The following PHLPP1 variants were observed in gnomAD, a reference collection of about 807,000 sequenced individuals.
PHLPP1 encodes the protein PH domain and leucine rich repeat protein phosphatase 1, also known as PH domain leucine-rich repeat-containing protein phosphatase 1.
A neutral mutation model predicts 117.2 loss-of-function variants in PHLPP1; 42 were observed. The observed-to-expected ratio is 0.36, with a 90% confidence interval of 0.28 to 0.46. The LOEUF (loss-of-function observed/expected upper bound fraction) is 0.46. PHLPP1 is among the 20% of genes least tolerant of loss of function. PHLPP1 has a pLI of 1.00. For missense variants in PHLPP1, 2,084 were observed against 2,241.9 expected (o/e 0.93, Z 1.42); for synonymous variants, 1,042 against 970.7 (o/e 1.07, Z -1.37).
chr18:62,849,797 C>CAAAAAAA (rs1159265423), intron 3 of PHLPP1, among the ~76,000 whole-genome samples: 4 of 7,400 alleles, frequency 5.4e-4, no homozygotes, highest in Non-Finnish European at 7.2e-4. Context: ...CCTGTCTCTA[C>CAAAAAAA]AAAAAAAAAA....
chr18:62,791,946 TA>T (rs1913470594), intron 1 of PHLPP1, among the ~76,000 whole-genome samples: 1 of 150,358 alleles, frequency 6.7e-6, no homozygotes, highest in Non-Finnish European at 1.5e-5. Flanking sequence ...AATTAATGAG[TA>T]CACTTTTTTT....
intron 2 of PHLPP1, 133 bp downstream of exon 2, chr18:62,830,364 G>T (rs996463301): frequency 1.5e-6 from 1 of 671,028 alleles, no homozygotes; most frequent in Non-Finnish European, 2.5e-6. Context: ...CCTCAGCCAG[G>T]ATTACAGGCG....
intron 1 of PHLPP1, among the ~76,000 whole-genome samples, chr18:62,736,359 A>G (rs899630248): frequency 1.3e-5 from 2 of 152,142 alleles, no homozygotes; most frequent in African/African-American, 4.8e-5. Flanking sequence ...GAGGTAAACC[A>G]CTGTGTGGTT....
At chr18:62,882,618 T>C (rs1378065245) in intron 4 of PHLPP1, among the ~76,000 whole-genome samples, 2 of 152,156 alleles carry the variant, frequency 1.3e-5, no homozygotes, top group Admixed American at 6.5e-5. Context: ...TTAAAAGTAC[T>C]TTGATACACT....
intron 10 of PHLPP1, among the ~76,000 whole-genome samples, chr18:62,930,364 C>T (rs975592220): frequency 4.6e-5 from 7 of 151,970 alleles, no homozygotes; most frequent in Non-Finnish European, 1.0e-4. Context: ...CATCTATAGA[C>T]TCAAAGTAAA....
intron 1 of PHLPP1, among the ~76,000 whole-genome samples, chr18:62,726,604 T>A (rs1253205830): frequency 8.9e-5 from 13 of 146,530 alleles, no homozygotes; most frequent in East Asian, 6.0e-4. Context: ...TTTTTTTTTT[T>A]ATGGAGTCTT....
rs567305618 is a variant in PHLPP1, at chr18:62,947,850, A to G, written c.3324+2579A>G. On this transcript the variant is annotated intron_variant, in intron 12 of 16. Transcript: ENST00000262719. ...AGACCAGCCTGGCCAACATGGTGAAACTCTGTCTCTACTAAAAATACAAAA... is the reference window on the plus strand; with the variant it reads ...AGACCAGCCTGGCCAACATGGTGAAGCTCTGTCTCTACTAAAAATACAAAA... Among the ~76,000 whole-genome samples, 11 of 151,862 alleles carry G rather than the reference A, an allele frequency of 7.2e-5. No individual in the cohort carries two copies. The East Asian group carries it at 1.9e-3, about 27-fold the overall frequency.
intron 6 of PHLPP1, among the ~76,000 whole-genome samples, chr18:62,899,941 A>G (rs1355443835): frequency 6.6e-6 from 1 of 152,182 alleles, no homozygotes; most frequent in African/African-American, 2.4e-5. Flanking sequence ...AGTGCTGAGA[A>G]TTACAGGCAT....
intron 15 of PHLPP1, among the ~76,000 whole-genome samples, chr18:62,975,158 T>C (rs1911152481): frequency 6.6e-6 from 1 of 152,178 alleles, no homozygotes; most frequent in Non-Finnish European, 1.5e-5. Flanking sequence ...TGGCTTTTAA[T>C]GGTACAGTGA....
intron 12 of PHLPP1, among the ~76,000 whole-genome samples, chr18:62,957,772 A>G (rs1324704263): frequency 1.3e-5 from 2 of 151,248 alleles, no homozygotes; most frequent in African/African-American, 2.4e-5. Flanking sequence ...CTGGAGTGCA[A>G]TGGTGCGATC....
chr18:62,716,874 C>G lies in PHLPP1; in HGVS notation c.1191C>G (p.Pro397=), dbSNP rs754927182. The G allele has an allele frequency of 4.5e-4, 683 of 1,524,732 alleles. No individual in the cohort carries two copies. The highest frequency in any genetic ancestry group is 8.8e-4 in the South Asian group (73 of 82,844). 94.5% of individuals were successfully genotyped at this position (1,524,732 alleles called of 1,614,324 possible). A position where few individuals can be genotyped will look rare whatever the true frequency, so the allele number is the denominator to read the frequency against. ...GGGTCCCGGGCCAGCCCCGCCGTCCCGGCCACCCCGCGCAGCCCCTCCCGC... is the reference window on the plus strand; with the variant it reads ...GGGTCCCGGGCCAGCCCCGCCGTCCGGGCCACCCCGCGCAGCCCCTCCCGC... ...PTGVPGQPRR[P]GHPAQPLPLP... The change falls in exon 1 of 17, where the codon CCC becomes CCG. Residue 397 remains proline (P), a synonymous_variant. Transcript: ENST00000262719. The surrounding 1 kb of genome is among the most constrained non-coding windows in gnomAD (Gnocchi z 5.7).
chr18:62,958,478 C>A, intron 12 of PHLPP1, 151 bp from the exon 13 acceptor site: 1 of 643,552 alleles, frequency 1.6e-6, no homozygotes, highest in Non-Finnish European at 2.4e-6. Context: ...ATGTTTATGG[C>A]AAAGTAACAG....
intron 3 of PHLPP1, among the ~76,000 whole-genome samples, chr18:62,853,558 T>C (rs925330460): frequency 6.6e-6 from 1 of 152,056 alleles, no homozygotes; most frequent in Admixed American, 6.6e-5. Context: ...TCAGTAGAGA[T>C]GGAGTTTCCC....
At chr18:62,941,302 GC>G (rs1256119106) in intron 10 of PHLPP1, among the ~76,000 whole-genome samples, 13 of 152,156 alleles carry the variant, frequency 8.5e-5, no homozygotes, top group Non-Finnish European at 1.9e-4. Flanking sequence ...GCAGGATCTT[GC>G]TTTGTTGCCC....
chr18:62,876,387 A>AT (rs1182256882), intron 4 of PHLPP1, among the ~76,000 whole-genome samples: 1 of 152,052 alleles, frequency 6.6e-6, no homozygotes, highest in East Asian at 1.9e-4. Context: ...TTGTAATGGC[A>AT]TTTTTTCCTT....
chr18:62,977,752 A>G (rs551095606), intron 16 of PHLPP1, among the ~76,000 whole-genome samples: 1 of 152,280 alleles, frequency 6.6e-6, no homozygotes, highest in Admixed American at 6.5e-5. Context: ...ATTTAGGAGC[A>G]TTGTCTTGAT....
intron 1 of PHLPP1, among the ~76,000 whole-genome samples, chr18:62,814,985 A>G (rs991994601): frequency 1.3e-5 from 2 of 152,176 alleles, no homozygotes; most frequent in African/African-American, 4.8e-5. Flanking sequence ...GGAATGGCTT[A>G]GCTTAGTGGT....
chr18:62,919,873 C>T, intron 9 of PHLPP1, 86 bp from the exon 10 acceptor site: 3 of 912,388 alleles, frequency 3.3e-6, no homozygotes, highest in Admixed American at 2.6e-5. Flanking sequence ...GTAGTTGCTC[C>T]AAGTGAATTT....
chr18:62,948,386 G>T (rs1910360154), intron 12 of PHLPP1, among the ~76,000 whole-genome samples: 1 of 151,998 alleles, frequency 6.6e-6, no homozygotes. Flanking sequence ...CACAAATTTT[G>T]CTGTATGAAA....
Sources: allele counts gnomAD v4.1 joint callset (sites outside exome capture counted in the v4.1 genomes callset), GRCh38; gene constraint gnomAD v4.1.1; non-coding constraint Gnocchi (gnomAD v3.1); transcripts MANE v1.5; gene names NCBI Gene and HGNC (gene_info 2026-07-23, HGNC 2026-07-21).